Variants in HECW2 observed in about 807,000 individuals in gnomAD.
HECW2 encodes the protein HECT, C2 and WW domain containing E3 ubiquitin protein ligase 2, also known as E3 ubiquitin-protein ligase HECW2.
Under a neutral mutation model 175.2 loss-of-function variants are expected in HECW2, and 61 were observed. The observed-to-expected ratio is 0.35, with a 90% CI of 0.28 to 0.43. HECW2 has a LOEUF of 0.43. Among genes scored for constraint, HECW2 ranks in the 20% least tolerant of loss-of-function variants. HECW2 has a pLI of 1.00. For missense variants in HECW2, 1,524 were observed against 2,000.5 expected (o/e 0.76, Z 4.54); for synonymous variants, 671 against 731.0 (o/e 0.92, Z 1.32).
intron 10 of HECW2, among the ~76,000 whole-genome samples, chr2:196,314,927 T>C (rs1320553572): frequency 1.3e-5 from 2 of 152,048 alleles, no homozygotes; most frequent in African/African-American, 4.8e-5. Flanking sequence ...GTAGCAAAGT[T>C]GTCCAGTTAG....
intron 1 of HECW2, among the ~76,000 whole-genome samples, chr2:196,465,679 C>T (rs547310898): frequency 1.3e-5 from 2 of 150,534 alleles, no homozygotes; most frequent in African/African-American, 4.8e-5. Context: ...TAAATAAACT[C>T]ATGTTTCCTA....
intron 2 of HECW2, among the ~76,000 whole-genome samples, chr2:196,423,080 C>A (rs527921529): frequency 2.6e-5 from 4 of 152,070 alleles, no homozygotes; most frequent in Non-Finnish European, 5.9e-5. Context: ...CCCATTGTGT[C>A]ACTTTAAACT....
intron 1 of HECW2, among the ~76,000 whole-genome samples, chr2:196,503,252 G>A (rs992811008): frequency 1.3e-5 from 2 of 152,142 alleles, no homozygotes; most frequent in African/African-American, 4.8e-5. Flanking sequence ...CAGGCTTGGG[G>A]CTTTTGGGCA....
At chr2:196,496,912 C>G (rs1006880804) in intron 1 of HECW2, among the ~76,000 whole-genome samples, 1 of 152,140 alleles carries the variant, frequency 6.6e-6, no homozygotes, top group East Asian at 1.9e-4. Flanking sequence ...TTAATGAGTA[C>G]CTAGCATTTG....
chr2:196,302,332 C>T (rs1295812167), intron 13 of HECW2, among the ~76,000 whole-genome samples: 1 of 151,930 alleles, frequency 6.6e-6, no homozygotes, highest in Non-Finnish European at 1.5e-5. Flanking sequence ...ACTAGTATAG[C>T]TGTAAGTCAG....
chr2:196,328,032 T>C (rs1692217982), intron 5 of HECW2, among the ~76,000 whole-genome samples: 1 of 151,518 alleles, frequency 6.6e-6, no homozygotes, highest in Admixed American at 6.6e-5. Flanking sequence ...ACCCATGGTT[T>C]ATATCAAAAC....
intron 1 of HECW2, among the ~76,000 whole-genome samples, chr2:196,566,321 A>G (rs988833169): frequency 9.3e-5 from 14 of 151,170 alleles, no homozygotes; most frequent in African/African-American, 3.4e-4. Context: ...TGGTGCTGTA[A>G]TATCTACGGT....
In HECW2 at chr2:196,390,225, G is replaced by C. The variant is rs372662815; in HGVS notation, c.292+42907C>G. 5.5e-4 allele frequency among the ~76,000 whole-genome samples: 84 copies of C among 152,198 alleles called. 1 individual carries two copies. The South Asian group carries it at 0.017, about 31-fold the overall frequency. On this transcript the variant is annotated intron_variant, in intron 2 of 28. Transcript: ENST00000644978. ...GTTATGTAGCTTGCCCAAAATTACA[G>C]AAAAAGAAAGGCCAACCAAAAATTT...
chr2:196,281,643 CAAAAAAAAAA>C (rs66656305), intron 14 of HECW2, among the ~76,000 whole-genome samples: 1 of 38,204 alleles, frequency 2.6e-5, no homozygotes, highest in Non-Finnish European at 3.9e-5. Context: ...GACCCCGTCT[CAAAAAAAAAA>C]AAAAAAAAAA....
intron 6 of HECW2, among the ~76,000 whole-genome samples, chr2:196,324,518 G>C (rs1692073055): frequency 6.6e-6 from 1 of 152,116 alleles, no homozygotes; most frequent in South Asian, 2.1e-4. Flanking sequence ...CCCGCAGAGA[G>C]AGAAATTCCT....
intron 2 of HECW2, among the ~76,000 whole-genome samples, chr2:196,365,230 A>G (rs1693712910): frequency 6.6e-6 from 1 of 152,260 alleles, no homozygotes. Flanking sequence ...AAGAGCAAAG[A>G]CACAGTCCTT....
At chr2:196,241,012 G>GCA (rs1479699279) in intron 20 of HECW2, among the ~76,000 whole-genome samples, 1 of 29,878 alleles carries the variant, frequency 3.3e-5, no homozygotes, top group African/African-American at 4.8e-5. Context: ...AGAACAAAGA[G>GCA]GAAAAAAAAA....
chr2:196,384,425 T>A (rs1472282166), intron 2 of HECW2, among the ~76,000 whole-genome samples: 2 of 151,844 alleles, frequency 1.3e-5, no homozygotes, highest in African/African-American at 2.4e-5. Flanking sequence ...TACAAAAAAA[T>A]TTAAAAATTA....
intron 7 of HECW2, among the ~76,000 whole-genome samples, chr2:196,321,655 C>T (rs989674871): frequency 1.3e-5 from 2 of 152,126 alleles, no homozygotes; most frequent in East Asian, 1.9e-4. Flanking sequence ...CCACCTCGTC[C>T]GCTCAAAGTG....
chr2:196,575,977 C>T (rs1281847056), intron 1 of HECW2, among the ~76,000 whole-genome samples: 2 of 152,150 alleles, frequency 1.3e-5, no homozygotes, highest in East Asian at 1.9e-4. Context: ...TCCCACTAGG[C>T]CCTATCTCCA....
chr2:196,343,639 T>G lies in HECW2; in HGVS notation c.400+18A>C. 6.8e-7 allele frequency: 1 copy of G among 1,477,198 alleles called. No individual in the cohort carries two copies. The allele number at this position is 1,477,198 out of a possible 1,614,324, so 91.5% of individuals were successfully genotyped here. A position where few individuals can be genotyped will look rare whatever the true frequency, so the allele number is the denominator to read the frequency against. ...CAATGTTCAATAATAAGTTTATATT[T>G]CACACTTAGTTACTTACGTTCCATG... On this transcript the variant is annotated intron_variant, in intron 3 of 28. Transcript: ENST00000644978.
chr2:196,217,157 G>A lies in HECW2; in HGVS notation c.4409-64C>T, dbSNP rs149688021. 2,241 of 1,139,364 alleles carry A rather than the reference G, an allele frequency of 2.0e-3. 38 individuals are homozygous for A. In the African/African-American group the frequency reaches 0.031, roughly 16 times the overall value. 70.6% of individuals were successfully genotyped at this position (1,139,364 alleles called of 1,614,324 possible). ...CTTCTATATTAAGCCACCAAGATAC[G>A]TGACACGAAGAGTCCCCAGACATAA... On this transcript the variant is annotated intron_variant, in intron 26 of 28. Coordinates refer to ENST00000644978, the MANE Select transcript of HECW2 (RefSeq NM_001348768.2).
intron 1 of HECW2, among the ~76,000 whole-genome samples, chr2:196,452,896 T>C (rs1241605058): frequency 1.3e-5 from 2 of 152,004 alleles, no homozygotes; most frequent in African/African-American, 4.8e-5. Context: ...TCTTCTAATT[T>C]GAGCAAATCA....
chr2:196,560,501 C>G (rs1227739467), intron 1 of HECW2, among the ~76,000 whole-genome samples: 1 of 152,104 alleles, frequency 6.6e-6, no homozygotes, highest in African/African-American at 2.4e-5. Context: ...CTGTCCCTGT[C>G]CCAGGGAACT....
Sources: gnomAD v4.1 joint callset for allele counts (sites outside exome capture counted in the v4.1 genomes callset) on GRCh38, gnomAD v4.1.1 for gene constraint, MANE v1.5 for transcripts, NCBI Gene and HGNC (gene_info 2026-07-23, HGNC 2026-07-21) for gene names.